Variants in TTLL5 observed in about 807,000 individuals in gnomAD.
The protein encoded by TTLL5 is tubulin tyrosine ligase like 5, also known as tubulin polyglutamylase TTLL5.
TTLL5 carries 132 observed loss-of-function variants against 168.4 expected under a neutral mutation model. The observed-to-expected ratio is 0.78, with a 90% CI of 0.68 to 0.91. TTLL5 has a LOEUF of 0.91. Ranked by LOEUF, TTLL5 falls within the 40% of genes least tolerant of loss-of-function variation. TTLL5 has a pLI of 0.00. For synonymous variants in TTLL5, 546 were observed against 558.6 expected (o/e 0.98, Z 0.32); for missense variants, 1,545 against 1,581.5 (o/e 0.98, Z 0.39).
At chr14:75,899,764 A>G (rs1049354731) in intron 30 of TTLL5, among the ~76,000 whole-genome samples, 91 of 152,132 alleles carry the variant, frequency 6.0e-4, no homozygotes, top group African/African-American at 2.1e-3. Context: ...AAAGCCTAAG[A>G]AGGTGAAGGG....
chr14:75,825,775 G>A (rs1036363922), intron 28 of TTLL5, among the ~76,000 whole-genome samples: 3 of 151,968 alleles, frequency 2.0e-5, no homozygotes, highest in African/African-American at 7.3e-5. Context: ...CCTTTCTCCT[G>A]AGTCTTAACT....
chr14:75,714,115 G>T (rs1344364782), intron 9 of TTLL5, among the ~76,000 whole-genome samples: 1 of 152,108 alleles, frequency 6.6e-6, no homozygotes, highest in African/African-American at 2.4e-5. Context: ...TCATTTTGTG[G>T]ATTGTCCCTC....
intron 6 of TTLL5, among the ~76,000 whole-genome samples, chr14:75,691,650 A>G (rs1353082208): frequency 6.6e-6 from 1 of 152,224 alleles, no homozygotes. Context: ...ATTCCCCAGT[A>G]GCATCGGTGT....
At chr14:75,891,119 T>C (rs1365749304) in intron 30 of TTLL5, among the ~76,000 whole-genome samples, 1 of 152,190 alleles carries the variant, frequency 6.6e-6, no homozygotes, top group Non-Finnish European at 1.5e-5. Context: ...CTCTCTCCTG[T>C]CTCCTGCCTT....
chr14:75,701,201 T>A (rs1886243342), intron 7 of TTLL5, among the ~76,000 whole-genome samples: 1 of 152,196 alleles, frequency 6.6e-6, no homozygotes. Flanking sequence ...TAACAACCTT[T>A]TGTTGCATAA....
At chr14:75,732,513 C>T (rs901634636) in intron 13 of TTLL5, 94 bp downstream of exon 13, 2 of 1,083,242 alleles carry the variant, frequency 1.8e-6, no homozygotes, top group Non-Finnish European at 2.7e-6. Flanking sequence ...CACTAGAAGA[C>T]TGTTTTTTTC....
intron 31 of TTLL5, among the ~76,000 whole-genome samples, chr14:75,950,466 G>GT (rs1595326418): frequency 6.6e-6 from 1 of 152,126 alleles, no homozygotes; most frequent in Non-Finnish European, 1.5e-5. Flanking sequence ...TATTGTGGGA[G>GT]TTTTTTTCCC....
intron 12 of TTLL5, chr14:75,727,778 T>A (rs1259841985): frequency 2.1e-6 from 1 of 476,656 alleles, no homozygotes; most frequent in East Asian, 6.1e-5. Flanking sequence ...ATATACCATA[T>A]GATTCCATTT....
intron 27 of TTLL5, among the ~76,000 whole-genome samples, chr14:75,802,018 C>T (rs1012670505): frequency 2.0e-5 from 3 of 152,062 alleles, no homozygotes; most frequent in African/African-American, 7.2e-5. Context: ...TTTGTTTCCT[C>T]TTACCTGTTT....
At chr14:75,788,699 T>TA (rs1291811998) in intron 26 of TTLL5, among the ~76,000 whole-genome samples, 4 of 152,150 alleles carry the variant, frequency 2.6e-5, no homozygotes, top group African/African-American at 4.8e-5. Flanking sequence ...AATATATTTT[T>TA]AAAAAAACTC....
intron 28 of TTLL5, among the ~76,000 whole-genome samples, chr14:75,834,317 A>G (rs190651176): frequency 6.6e-6 from 1 of 152,264 alleles, no homozygotes; most frequent in Non-Finnish European, 1.5e-5. Context: ...TATGTGGTTG[A>G]GGATAAAGTG....
intron 27 of TTLL5, among the ~76,000 whole-genome samples, chr14:75,800,203 C>CA (rs1474737702): frequency 1.3e-5 from 2 of 152,264 alleles, no homozygotes; most frequent in Non-Finnish European, 2.9e-5. Flanking sequence ...TTGGGTTAAT[C>CA]AAAAGCCTTG....
chr14:75,779,054 G>A (rs1891892852), intron 23 of TTLL5, among the ~76,000 whole-genome samples: 1 of 152,184 alleles, frequency 6.6e-6, no homozygotes, highest in Non-Finnish European at 1.5e-5. Flanking sequence ...CAGACTCTGT[G>A]GGCTACATAT....
At chr14:75,863,451 G>C (rs1362563772) in intron 28 of TTLL5, among the ~76,000 whole-genome samples, 1 of 152,096 alleles carries the variant, frequency 6.6e-6, no homozygotes, top group Non-Finnish European at 1.5e-5. Context: ...CTTATGATAC[G>C]TGCTAGGAAA....
At chr14:75,715,101 A>G (rs1887339711) in intron 9 of TTLL5, among the ~76,000 whole-genome samples, 1 of 151,832 alleles carries the variant, frequency 6.6e-6, no homozygotes, top group South Asian at 2.1e-4. Flanking sequence ...ATATTTATTT[A>G]TTTGCTCAAT....
intron 28 of TTLL5, among the ~76,000 whole-genome samples, chr14:75,851,646 C>T (rs1432026881): frequency 6.6e-6 from 1 of 152,146 alleles, no homozygotes. Flanking sequence ...TAGGAAAGTC[C>T]CCTCCAGCAG....
At chr14:75,755,217 A>G (rs968545589) in intron 18 of TTLL5, among the ~76,000 whole-genome samples, 2 of 152,024 alleles carry the variant, frequency 1.3e-5, no homozygotes, top group Non-Finnish European at 2.9e-5. Flanking sequence ...CTGAGCTAAG[A>G]TCGCACCATT....
At chr14:75,856,507 G>T (rs981082770) in intron 28 of TTLL5, among the ~76,000 whole-genome samples, 1 of 151,762 alleles carries the variant, frequency 6.6e-6, no homozygotes, top group African/African-American at 2.4e-5. Context: ...ACTTATGTAG[G>T]TTTTGTTTAA....
At chr14:75,939,002 G>A (rs1247218359) in intron 31 of TTLL5, among the ~76,000 whole-genome samples, 1 of 152,210 alleles carries the variant, frequency 6.6e-6, no homozygotes, top group African/African-American at 2.4e-5. Flanking sequence ...GCTCACAAGA[G>A]CTGGTGGAAG....
Sources: allele counts gnomAD v4.1 joint callset (sites outside exome capture counted in the v4.1 genomes callset), GRCh38; gene constraint gnomAD v4.1.1; transcripts MANE v1.5; gene names NCBI Gene and HGNC (gene_info 2026-07-23, HGNC 2026-07-21).